NPHP1: variants seen among roughly 807,000 people sequenced by gnomAD.
NPHP1 encodes the protein nephrocystin 1.
In NPHP1, 70 loss-of-function variants were observed where a neutral mutation model predicts 90.4. The ratio of observed to expected loss-of-function variants is 0.77; its 90% confidence interval spans 0.64 to 0.95. The LOEUF is 0.95. Ranked by LOEUF, NPHP1 falls within the 40% of genes least tolerant of loss-of-function variation. NPHP1 has a pLI of 0.00. For missense variants in NPHP1, 764 were observed against 795.9 expected (o/e 0.96, Z 0.48); for synonymous variants, 256 against 271.7 (o/e 0.94, Z 0.57).
intron 17 of NPHP1, among the ~76,000 whole-genome samples, chr2:110,131,302 A>G (rs1679757904): frequency 6.6e-6 from 1 of 152,168 alleles, no homozygotes; most frequent in Non-Finnish European, 1.5e-5. Flanking sequence ...TACTTCATGC[A>G]CTAAGAACCA....
At chr2:110,127,508 T>C (rs1044933391) in intron 18 of NPHP1, 10 of 152,132 alleles carry the variant, frequency 6.6e-5, no homozygotes, top group African/African-American at 2.4e-4. Flanking sequence ...TATTCACCAA[T>C]ACCTCTCTGG....
In NPHP1 at chr2:110,204,859, C is replaced by T. The variant is rs1386400841; in HGVS notation, c.69+41G>A. 3 of 1,605,884 alleles carry T rather than the reference C, an allele frequency of 1.9e-6. No homozygotes were observed. The African/African-American group carries it at 4.0e-5, about 21-fold the overall frequency. ...GCGCAGTGCGCGCAGCTGCGTCCGC[C>T]TGTCGCCCGCCCCAGGGCCCTCTGC... On this transcript the variant is annotated intron_variant, in intron 1 of 19. Transcript: ENST00000445609.
chr2:110,130,756 TC>T (rs930711007), intron 17 of NPHP1, among the ~76,000 whole-genome samples: 1 of 152,162 alleles, frequency 6.6e-6, no homozygotes, highest in African/African-American at 2.4e-5. Context: ...AAAGAATCCT[TC>T]CCCACACACT....
chr2:110,193,192 A>C (rs1000295079), intron 2 of NPHP1, among the ~76,000 whole-genome samples: 1 of 152,306 alleles, frequency 6.6e-6, no homozygotes, highest in Middle Eastern at 3.4e-3. Flanking sequence ...AAATGCTCCA[A>C]TTAAAAGACA....
In NPHP1 at chr2:110,169,813, G is replaced by A. The variant is rs748356803; in HGVS notation, c.515C>T (p.Thr172Ile). The A allele has an allele frequency of 2.5e-6, 4 of 1,610,018 alleles. No homozygotes were observed. The highest frequency in any genetic ancestry group is 1.7e-5 in the Admixed American group (1 of 60,000). ...CAGTCTTATTCTACCTACCTTAAATGTAAGATCTCCAACTTGCTGAGCAGT... is the reference window on the plus strand; with the variant it reads ...CAGTCTTATTCTACCTACCTTAAATATAAGATCTCCAACTTGCTGAGCAGT... ...DFTAQQVGDL[T>I]FKKGEILLVI... Residue 172 changes from threonine (T) to isoleucine (I), a missense_variant, in exon 5 of 20, where the codon ACA becomes ATA. Thr to Ile is a moderately conservative substitution (Grantham distance 89). Coordinates refer to ENST00000445609, the MANE Select transcript of NPHP1 (RefSeq NM_001128178.3).
intron 4 of NPHP1, among the ~76,000 whole-genome samples, chr2:110,174,035 CCTTTG>C (rs914040851): frequency 2.0e-5 from 3 of 151,996 alleles, no homozygotes; most frequent in African/African-American, 7.2e-5. Flanking sequence ...AACCGTATCA[CCTTTG>C]TTTTGGTTAT....
intron 2 of NPHP1, among the ~76,000 whole-genome samples, chr2:110,187,974 G>C (rs942482707): frequency 2.6e-5 from 4 of 152,122 alleles, no homozygotes; most frequent in African/African-American, 9.7e-5. Flanking sequence ...ATCTTTTCAT[G>C]TTAAGAAATT....
chr2:110,148,942 A>G (rs1377156916), intron 12 of NPHP1, among the ~76,000 whole-genome samples: 1 of 152,054 alleles, frequency 6.6e-6, no homozygotes, highest in Admixed American at 6.5e-5. Context: ...CTTCTAGAAA[A>G]CTTTCCCTGA....
At chr2:110,131,053 G>T (rs1277472062) in intron 17 of NPHP1, among the ~76,000 whole-genome samples, 1 of 152,160 alleles carries the variant, frequency 6.6e-6, no homozygotes, top group East Asian at 1.9e-4. Flanking sequence ...TGAACTGAAA[G>T]AAGAGCCAAT....
At chr2:110,126,114 G>A in intron 18 of NPHP1, 1 of 201,304 alleles carries the variant, frequency 5.0e-6, no homozygotes, top group Non-Finnish European at 1.0e-5. Context: ...ACAGACTGAA[G>A]TACAATTTTG....
At chr2:110,204,843 G>A in intron 1 of NPHP1, 57 bp downstream of exon 1, 1 of 1,570,452 alleles carries the variant, frequency 6.4e-7, no homozygotes, top group South Asian at 1.1e-5. Context: ...GGCGCAGTGC[G>A]CGCAGCTGCG....
intron 18 of NPHP1, 116 bp from the exon 19 acceptor site, chr2:110,125,797 T>G: frequency 9.4e-6 from 8 of 851,664 alleles, no homozygotes; most frequent in Non-Finnish European, 1.6e-5. Flanking sequence ...CTGTACAGAT[T>G]CTATACAAGC....
Position 110,161,651 on chromosome 2 carries a change from A to G in NPHP1, c.906T>C (p.Pro302=). The part of the protein sequence containing the change: ...ANYFLQPELM[P]SQLAFRDLMW... ...TCAGATCTCTGAAGGCCAGTTGTGA[A>G]GGCATGAGCTCTGGTTGTAAGAAGT... is the stretch of plus-strand genomic sequence containing the variant. Residue 302 remains proline, a synonymous_variant, in exon 10 of 20, where the codon CCT becomes CCC. Transcript: ENST00000445609. 6.2e-7 allele frequency: 1 copy of G among 1,613,430 alleles called. No homozygotes were observed. The highest frequency in any genetic ancestry group is 8.5e-7 in the Non-Finnish European group (1 of 1,179,440).
intron 6 of NPHP1, among the ~76,000 whole-genome samples, chr2:110,166,146 G>A (rs570823813): frequency 6.6e-6 from 1 of 152,314 alleles, no homozygotes; most frequent in East Asian, 1.9e-4. Flanking sequence ...GATTGTTAGA[G>A]GTGGGAGTAC....
chr2:110,185,162 T>G (rs1451494667), intron 2 of NPHP1: 1 of 566,296 alleles, frequency 1.8e-6, no homozygotes, highest in Non-Finnish European at 3.5e-6. Flanking sequence ...GCCTGATCTA[T>G]CCACAGGAAA....
chr2:110,172,010 C>T (rs1280670217), intron 4 of NPHP1, among the ~76,000 whole-genome samples: 2 of 152,178 alleles, frequency 1.3e-5, no homozygotes, highest in East Asian at 3.9e-4. Flanking sequence ...AATAAATTCA[C>T]CAGTAAAGCC....
rs140651475 is a variant in NPHP1, at chr2:110,166,240, A to T, written c.625-1085T>A. On this transcript the variant is annotated intron_variant, in intron 6 of 19. Transcript: ENST00000445609. ...TAAACCCTTTGAACCAGTGATGAAC[A>T]TCTAGGAATTTATCTAAGGGGATAA... Among the ~76,000 whole-genome samples the T allele has an allele frequency of 7.2e-4, 110 of 152,354 alleles. 2 individuals carry two copies. The East Asian group carries it at 0.019, about 27-fold the overall frequency.
intron 11 of NPHP1, among the ~76,000 whole-genome samples, chr2:110,159,787 A>G (rs2104540894): frequency 6.6e-6 from 1 of 151,916 alleles, no homozygotes; most frequent in East Asian, 1.9e-4. Context: ...TATTTCATTA[A>G]TTTCTACTCT....
intron 1 of NPHP1, among the ~76,000 whole-genome samples, chr2:110,204,261 G>A (rs1025124256): frequency 6.6e-6 from 1 of 152,150 alleles, no homozygotes; most frequent in Admixed American, 6.5e-5. Context: ...CCTCAAGACA[G>A]AGTGTTGTGA....
Sources: allele counts gnomAD v4.1 joint callset (sites outside exome capture counted in the v4.1 genomes callset), GRCh38; gene constraint gnomAD v4.1.1; transcripts MANE v1.5; gene names NCBI Gene and HGNC (gene_info 2026-07-23, HGNC 2026-07-21).